Variants in SERPINB11 observed in about 807,000 individuals in gnomAD.
The protein encoded by SERPINB11 is serpin family B member 11, also known as serpin B11.
A neutral mutation model predicts 36.7 loss-of-function variants in SERPINB11; 32 were observed. The ratio of observed to expected loss-of-function variants is 0.87; its 90% CI spans 0.66 to 1.17. The LOEUF is 1.17. Ranked by LOEUF, SERPINB11 falls within the 50% of genes most tolerant of loss-of-function variation. SERPINB11 has a pLI of 0.00. For missense variants in SERPINB11, 528 were observed against 458.4 expected, an observed-to-expected ratio of 1.15 and a Z score of -1.39; for synonymous variants, 174 against 168.1, an observed-to-expected ratio of 1.04 and a Z score of -0.27.
intron 1 of SERPINB11, among the ~76,000 whole-genome samples, chr18:63,703,880 C>T (rs1041878588): frequency 6.6e-6 from 1 of 152,236 alleles, no homozygotes; most frequent in Admixed American, 6.5e-5. Flanking sequence ...AATCCCTCTT[C>T]TCAACCTCAA....
At chr18:63,703,372 C>A (rs1914289748) in intron 1 of SERPINB11, among the ~76,000 whole-genome samples, 1 of 152,218 alleles carries the variant, frequency 6.6e-6, no homozygotes, top group Non-Finnish European at 1.5e-5. Flanking sequence ...AAGATCTTAA[C>A]TTACTATGCT....
At chr18:63,713,687 T>C (rs1228025761) in intron 4 of SERPINB11, among the ~76,000 whole-genome samples, 2 of 152,120 alleles carry the variant, frequency 1.3e-5, no homozygotes, top group Non-Finnish European at 2.9e-5. Flanking sequence ...TAGGGAACGA[T>C]GTATGGAGAG....
intron 7 of SERPINB11, among the ~76,000 whole-genome samples, chr18:63,722,220 GC>G (rs1161655123): frequency 2.6e-5 from 4 of 152,116 alleles, no homozygotes; most frequent in Non-Finnish European, 5.9e-5. Context: ...AACCACCTTT[GC>G]TTTTTGGTGG....
intron 5 of SERPINB11, among the ~76,000 whole-genome samples, chr18:63,717,504 T>C (rs1353258746): frequency 6.6e-6 from 1 of 152,056 alleles, no homozygotes; most frequent in Non-Finnish European, 1.5e-5. Context: ...AATGAGAATT[T>C]CATTTGTCCC....
At chr18:63,710,437 C>G in intron 2 of SERPINB11, 76 bp downstream of exon 2, 1 of 1,223,140 alleles carries the variant, frequency 8.2e-7, no homozygotes, top group Non-Finnish European at 1.1e-6. Context: ...AAAATTAATT[C>G]TATCTTTATA....
chr18:63,723,209 A>G lies in SERPINB11; in HGVS notation c.989A>G (p.Lys330Arg), dbSNP rs1598970656. ...MSPTKGLYLSKAIHKSYLDVS... is the reference protein window; with the variant it reads ...MSPTKGLYLSRAIHKSYLDVS... ...CCAACCAAGGGCCTATATTTATCAA[A>G]AGCCATCCACAAGTCATACCTGGAT... Residue 330 changes from lysine (K) to arginine (R), a missense_variant, in exon 8 of 8, where the codon AAA (lysine) becomes AGA (arginine). Lys to Arg is a conservative substitution (Grantham distance 26). Transcript: ENST00000544088. The G allele has an allele frequency of 6.2e-7, 1 of 1,613,864 alleles. No individual in the cohort carries two copies. Among genetic ancestry groups the G allele is most frequent in the Non-Finnish European group, 8.5e-7 (1 of 1,179,824 alleles).
chr18:63,718,766 A>T (rs1330653449), intron 5 of SERPINB11, among the ~76,000 whole-genome samples: 1 of 152,074 alleles, frequency 6.6e-6, no homozygotes, highest in Non-Finnish European at 1.5e-5. Flanking sequence ...TGAGGAACTG[A>T]CAGATGTCAA....
rs141628885 is a variant in SERPINB11 at position 63,717,675 on chromosome 18, C to T, written c.475+1523C>T. ...GTTTCTGTTTAAATCTTTTGCCCAC[C>T]TGTAAGAATGGTTTGTCTGTTTTTT... On this transcript the variant is annotated intron_variant, in intron 5 of 7. Coordinates refer to ENST00000544088, the MANE Select transcript of SERPINB11 (RefSeq NM_001370475.1). Among the ~76,000 whole-genome samples, 48 of 152,032 alleles carry T rather than the reference C, an allele frequency of 3.2e-4. 1 individual carries two copies. In the East Asian group the frequency reaches 6.4e-3, roughly 20 times the overall value.
intron 5 of SERPINB11, among the ~76,000 whole-genome samples, chr18:63,719,128 A>C (rs1914740643): frequency 6.6e-6 from 1 of 152,036 alleles, no homozygotes; most frequent in South Asian, 2.1e-4. Context: ...AAATGCCTAA[A>C]ATTTTTTGGC....
intron 2 of SERPINB11, among the ~76,000 whole-genome samples, chr18:63,710,576 CT>C (rs1193925444): frequency 6.6e-6 from 1 of 152,112 alleles, no homozygotes; most frequent in Non-Finnish European, 1.5e-5. Context: ...CGTGTGGTCT[CT>C]TTTTTACTAT....
At position 63,723,673 on chromosome 18, in the gene SERPINB11, C is replaced by A. The variant is rs1914888657; in HGVS notation, c.*274C>A. The A allele has an allele frequency of 9.1e-6, 3 of 329,358 alleles. No individual in the cohort carries two copies. Among genetic ancestry groups the A allele is most frequent in the Non-Finnish European group, 1.6e-5 (3 of 182,674 alleles). 20.4% of individuals were successfully genotyped at this position (329,358 alleles called of 1,614,324 possible). A position where few individuals can be genotyped will look rare whatever the true frequency, so the allele number is the denominator to read the frequency against. ...GTGCTGTCCAGTGACATGATCAAGT[C>A]AATGAGTAAAATTTTAAGGGATTAG... is the stretch of plus-strand genomic sequence containing the variant. On this transcript the variant is annotated 3_prime_UTR_variant, in exon 8 of 8. Coordinates refer to ENST00000544088, the MANE Select transcript of SERPINB11 (RefSeq NM_001370475.1).
intron 7 of SERPINB11, 62 bp from the exon 8 acceptor site, chr18:63,722,930 TATG>T: frequency 7.0e-7 from 1 of 1,420,438 alleles, no homozygotes; most frequent in Non-Finnish European, 9.4e-7. Context: ...TATAAAAACA[TATG>T]ATATTTAATG....
At chr18:63,719,350 C>T (rs1292505255) in intron 5 of SERPINB11, among the ~76,000 whole-genome samples, 3 of 151,996 alleles carry the variant, frequency 2.0e-5, no homozygotes, top group Non-Finnish European at 2.9e-5. Flanking sequence ...AAAATTAAAA[C>T]CTTCATGAAG....
intron 1 of SERPINB11, among the ~76,000 whole-genome samples, chr18:63,709,563 A>T (rs1378127914): frequency 6.6e-6 from 1 of 151,284 alleles, no homozygotes; most frequent in Non-Finnish European, 1.5e-5. Flanking sequence ...GTGAGCTGAG[A>T]TCGCACCACT....
intron 5 of SERPINB11, among the ~76,000 whole-genome samples, chr18:63,717,832 G>A (rs1914707299): frequency 6.6e-6 from 1 of 151,836 alleles, no homozygotes; most frequent in Admixed American, 6.6e-5. Flanking sequence ...TAATTTCAAA[G>A]GAATAAAATT....
At chr18:63,712,959 C>A (rs1009004444) in intron 4 of SERPINB11, among the ~76,000 whole-genome samples, 1 of 152,218 alleles carries the variant, frequency 6.6e-6, no homozygotes, top group Non-Finnish European at 1.5e-5. Flanking sequence ...AGGTAAGAAT[C>A]ATCCCTGTGG....
At chr18:63,722,974 T>C in intron 7 of SERPINB11, 21 bp from the exon 8 acceptor site, 1 of 1,539,030 alleles carries the variant, frequency 6.5e-7, no homozygotes, top group Non-Finnish European at 8.7e-7. Flanking sequence ...CATGTGGGCT[T>C]GTCTGTGTTT....
At chr18:63,714,327 C>T (rs1966129) in intron 4 of SERPINB11, among the ~76,000 whole-genome samples, 56,468 of 151,864 alleles carry the variant, frequency 0.37, 11,352 homozygotes, top group East Asian at 0.61. Flanking sequence ...GGCAGAGCAT[C>T]GGGGCAAAAT....
Position 63,723,212 on chromosome 18 carries a change from C to G in SERPINB11, c.992C>G (p.Ala331Gly). ...ACCAAGGGCCTATATTTATCAAAAG[C>G]CATCCACAAGTCATACCTGGATGTC... Reference protein sequence around the residue: ...SPTKGLYLSKAIHKSYLDVSE... With the variant: ...SPTKGLYLSKGIHKSYLDVSE... The change falls in exon 8 of 8, where the codon GCC becomes GGC. Residue 331 changes from alanine (A) to glycine (G), a missense_variant. Ala to Gly is a moderately conservative substitution (Grantham distance 60). Transcript: ENST00000544088. 1.2e-6 allele frequency: 2 copies of G among 1,613,802 alleles called. No individual in the cohort carries two copies. The highest frequency in any genetic ancestry group is 1.7e-6 in the Non-Finnish European group (2 of 1,179,818).
Sources: allele counts gnomAD v4.1 joint callset (sites outside exome capture counted in the v4.1 genomes callset), GRCh38; gene constraint gnomAD v4.1.1; transcripts MANE v1.5; gene names NCBI Gene and HGNC (gene_info 2026-07-23, HGNC 2026-07-21).